Variants in FGF10 observed in about 807,000 individuals in gnomAD.
FGF10 encodes fibroblast growth factor 10.
In FGF10, 2 loss-of-function variants were observed where a neutral mutation model predicts 19.8. The observed-to-expected ratio is 0.10, with a 90% CI of 0.04 to 0.32. FGF10 has a LOEUF of 0.32. Among genes scored for constraint, FGF10 ranks in the 10% least tolerant of loss-of-function variants. The pLI, the probability that FGF10 is intolerant of heterozygous loss-of-function variation, is 1.00. For synonymous variants in FGF10, 112 were observed against 94.0 expected, an observed-to-expected ratio of 1.19 and a Z score of -1.10; for missense variants, 191 against 246.3, an observed-to-expected ratio of 0.78 and a Z score of 1.50.
At chr5:44,359,508 A>G (rs1579931333) in intron 1 of FGF10, among the ~76,000 whole-genome samples, 1 of 151,424 alleles carries the variant, frequency 6.6e-6, no homozygotes, top group African/African-American at 2.4e-5. Context: ...TGCAGATTGA[A>G]TCTGAGGGAG....
intron 1 of FGF10, among the ~76,000 whole-genome samples, chr5:44,338,189 A>G (rs1485218499): frequency 6.6e-6 from 1 of 152,182 alleles, no homozygotes; most frequent in Non-Finnish European, 1.5e-5. Context: ...ACCATTTAAT[A>G]TATTATCTTA....
chr5:44,336,531 A>G (rs1740857569), intron 1 of FGF10, among the ~76,000 whole-genome samples: 1 of 152,140 alleles, frequency 6.6e-6, no homozygotes, highest in South Asian at 2.1e-4. Flanking sequence ...GGTGGAGAAG[A>G]ACTGTCTCAT....
At position 44,302,259 on chromosome 5, in the gene FGF10, TTTCCTTCCTTCCTTCTTTCCTTGCTTCC is replaced by T. The variant is rs1739979734; in HGVS notation, c.*2708_*2735del. Among the ~76,000 whole-genome samples, 1 of 147,806 alleles carries T rather than the reference TTTCCTTCCTTCCTTCTTTCCTTGCTTCC, an allele frequency of 6.8e-6. No individual in the cohort carries two copies. Among genetic ancestry groups the T allele is most frequent in the African/African-American group, 2.5e-5 (1 of 40,628 alleles). On this transcript the variant is annotated 3_prime_UTR_variant, in exon 3 of 3. Coordinates refer to ENST00000264664, the MANE Select transcript of FGF10 (RefSeq NM_004465.2). ...TCTCTCTCCTTCCTTCCCTCCCTTC[TTTCCTTCCTTCCTTCTTTCCTTGCTTCC>T]TTCCTTCCTTCCTTCCTTCCTTCCT... is the stretch of plus-strand genomic sequence containing the variant.
chr5:44,370,144 A>G (rs994321502), intron 1 of FGF10, among the ~76,000 whole-genome samples: 1 of 152,102 alleles, frequency 6.6e-6, no homozygotes, highest in African/African-American at 2.4e-5. Context: ...AGAAATATCT[A>G]TTACTGCCTG....
At chr5:44,313,784 A>G (rs1292968388) in intron 1 of FGF10, among the ~76,000 whole-genome samples, 5 of 152,142 alleles carry the variant, frequency 3.3e-5, no homozygotes, top group African/African-American at 4.8e-5. Flanking sequence ...TAGCCCAGGT[A>G]GTATTGTGAA....
intron 1 of FGF10, among the ~76,000 whole-genome samples, chr5:44,373,475 A>G (rs537900952): frequency 1.6e-3 from 251 of 152,262 alleles, no homozygotes; most frequent in African/African-American, 5.9e-3. Context: ...AGGAAGAAGA[A>G]ACCAGGCTGA....
chr5:44,308,269 A>C (rs757161904), intron 2 of FGF10, among the ~76,000 whole-genome samples: 1 of 152,208 alleles, frequency 6.6e-6, no homozygotes, highest in Non-Finnish European at 1.5e-5. Flanking sequence ...AAAAGTATTA[A>C]ATATTTTTAT....
chr5:44,311,024 C>T (rs1740198669), intron 1 of FGF10, among the ~76,000 whole-genome samples: 1 of 152,090 alleles, frequency 6.6e-6, no homozygotes, highest in Admixed American at 6.6e-5. Flanking sequence ...TAATCTAAAT[C>T]TCTTGGCTAC....
At chr5:44,332,781 CAT>C (rs1169808544) in intron 1 of FGF10, among the ~76,000 whole-genome samples, 4 of 151,710 alleles carry the variant, frequency 2.6e-5, no homozygotes, top group Non-Finnish European at 5.9e-5. Context: ...AGGAAGGAAA[CAT>C]ATTTGGCACA....
At chr5:44,319,449 A>T (rs1171193592) in intron 1 of FGF10, among the ~76,000 whole-genome samples, 1 of 152,130 alleles carries the variant, frequency 6.6e-6, no homozygotes, top group Non-Finnish European at 1.5e-5. Flanking sequence ...ACATCTTGAT[A>T]TTGGGTTTCC....
intron 1 of FGF10, among the ~76,000 whole-genome samples, chr5:44,373,927 C>T (rs987080848): frequency 1.3e-5 from 2 of 152,182 alleles, no homozygotes; most frequent in Non-Finnish European, 2.9e-5. Flanking sequence ...CAGGACCCTG[C>T]TCTAAGTACC....
chr5:44,328,804 A>C (rs190708323), intron 1 of FGF10, among the ~76,000 whole-genome samples: 1 of 152,182 alleles, frequency 6.6e-6, no homozygotes, highest in Admixed American at 6.5e-5. Context: ...TCAGACACAA[A>C]AAGACAAATA....
At chr5:44,341,447 A>T (rs974469106) in intron 1 of FGF10, among the ~76,000 whole-genome samples, 3 of 151,902 alleles carry the variant, frequency 2.0e-5, no homozygotes, top group African/African-American at 7.2e-5. Flanking sequence ...ATATTCAGAT[A>T]GATAATAGAT....
In FGF10 at chr5:44,349,457, T is replaced by TATATATATCAGAATAC. The variant is rs1741182117; in HGVS notation, c.325+38900_325+38901insGTATTCTGATATATAT. On this transcript the variant is annotated intron_variant, in intron 1 of 2. Transcript: ENST00000264664. ...ATATATATATATATATATATATATA[T>TATATATATCAGAATAC]ATATATATATATCAGAATATATATA... Among the ~76,000 whole-genome samples the TATATATATCAGAATAC allele has an allele frequency of 4.0e-4, 12 of 29,778 alleles. 1 individual carries two copies. The highest frequency in any genetic ancestry group is 8.0e-4 in the Non-Finnish European group (12 of 14,990). The allele number at this position is 29,778 out of a possible 152,430, so 19.5% of individuals were successfully genotyped here.
At chr5:44,340,957 A>G (rs1288940892) in intron 1 of FGF10, among the ~76,000 whole-genome samples, 2 of 152,022 alleles carry the variant, frequency 1.3e-5, no homozygotes, top group Non-Finnish European at 2.9e-5. Flanking sequence ...AGAAATTAAC[A>G]TGAGAACCAC....
chr5:44,387,291 T>G (rs917251320), intron 1 of FGF10, among the ~76,000 whole-genome samples: 1 of 152,006 alleles, frequency 6.6e-6, no homozygotes, highest in Admixed American at 6.5e-5. Flanking sequence ...TCTAGTTCTC[T>G]TCCCCCAACC....
chr5:44,365,458 T>C (rs1173237028), intron 1 of FGF10, among the ~76,000 whole-genome samples: 1 of 151,696 alleles, frequency 6.6e-6, no homozygotes, highest in Non-Finnish European at 1.5e-5. Flanking sequence ...AGTAGGAAAC[T>C]CAAAACCTTC....
At chr5:44,341,635 A>G (rs1740974020) in intron 1 of FGF10, among the ~76,000 whole-genome samples, 1 of 151,958 alleles carries the variant, frequency 6.6e-6, no homozygotes. Flanking sequence ...GAGGAGATTT[A>G]ACACCCATTA....
At chr5:44,353,661 T>C (rs1473395598) in intron 1 of FGF10, among the ~76,000 whole-genome samples, 1 of 151,614 alleles carries the variant, frequency 6.6e-6, no homozygotes, top group Non-Finnish European at 1.5e-5. Context: ...TAGAAACTTT[T>C]TCCTCAGCAA....
Sources: gnomAD v4.1 joint callset for allele counts (sites outside exome capture counted in the v4.1 genomes callset) on GRCh38, gnomAD v4.1.1 for gene constraint, MANE v1.5 for transcripts, NCBI Gene and HGNC (gene_info 2026-07-23, HGNC 2026-07-21) for gene names.